Variants in UPK1B observed in about 807,000 individuals in gnomAD.
UPK1B encodes uroplakin-1b.
A neutral mutation model predicts 34.2 loss-of-function variants in UPK1B; 28 were observed. The observed-to-expected ratio is 0.82, with a 90% CI of 0.61 to 1.12. The LOEUF is 1.12. Ranked by LOEUF, UPK1B falls within the 50% of genes most tolerant of loss-of-function variation. The pLI is 0.00. For synonymous variants in UPK1B, 81 were observed against 110.4 expected, an observed-to-expected ratio of 0.73 and a Z score of 1.67; for missense variants, 325 against 320.9, an observed-to-expected ratio of 1.01 and a Z score of -0.10.
intron 1 of UPK1B, among the ~76,000 whole-genome samples, chr3:119,181,562 T>A (rs2077989848): frequency 6.6e-6 from 1 of 152,178 alleles, no homozygotes; most frequent in Non-Finnish European, 1.5e-5. Context: ...AACTAGTAAG[T>A]GGTAGAGCTA....
intron 2 of UPK1B, 70 bp from the exon 3 acceptor site, chr3:119,187,705 C>T: frequency 1.3e-6 from 2 of 1,515,692 alleles, no homozygotes. Flanking sequence ...GTCACTCTTA[C>T]CTTCCCCACC....
intron 7 of UPK1B, among the ~76,000 whole-genome samples, chr3:119,203,266 G>A (rs948269459): frequency 1.3e-4 from 19 of 147,508 alleles, no homozygotes; most frequent in South Asian, 2.2e-4. Context: ...GCGTGAACCC[G>A]GGAGGCGGAG....
chr3:119,186,333 T>C (rs1445897770), intron 1 of UPK1B, among the ~76,000 whole-genome samples: 1 of 152,180 alleles, frequency 6.6e-6, no homozygotes, highest in Non-Finnish European at 1.5e-5. Flanking sequence ...ACCCTTTGGG[T>C]TTCCATTTGT....
At chr3:119,182,647 G>T (rs1219099541) in intron 1 of UPK1B, among the ~76,000 whole-genome samples, 2 of 152,212 alleles carry the variant, frequency 1.3e-5, no homozygotes, top group Non-Finnish European at 1.5e-5. Flanking sequence ...GCCAAGTCCA[G>T]TGTGGTCACC....
intron 1 of UPK1B, among the ~76,000 whole-genome samples, chr3:119,179,144 A>G (rs2077973313): frequency 6.6e-6 from 1 of 151,744 alleles, no homozygotes; most frequent in African/African-American, 2.4e-5. Flanking sequence ...CCTGGGCAAC[A>G]TGATGAAACC....
chr3:119,177,261 G>T (rs1030177717), intron 1 of UPK1B, among the ~76,000 whole-genome samples: 2 of 152,170 alleles, frequency 1.3e-5, no homozygotes, highest in Admixed American at 1.3e-4. Context: ...TTATCTTGTA[G>T]TGAGTCTCAT....
chr3:119,177,531 AT>A (rs2077962532), intron 1 of UPK1B, among the ~76,000 whole-genome samples: 1 of 152,252 alleles, frequency 6.6e-6, no homozygotes, highest in African/African-American at 2.4e-5. Flanking sequence ...CTGATGTATC[AT>A]GCCGTGAACA....
At chr3:119,183,979 G>A (rs1468144553) in intron 1 of UPK1B, among the ~76,000 whole-genome samples, 1 of 152,168 alleles carries the variant, frequency 6.6e-6, no homozygotes, top group African/African-American at 2.4e-5. Context: ...AGAAAATTCA[G>A]AATATCTTGC....
At chr3:119,184,596 G>A (rs895180317) in intron 1 of UPK1B, among the ~76,000 whole-genome samples, 1 of 151,484 alleles carries the variant, frequency 6.6e-6, no homozygotes, top group African/African-American at 2.4e-5. Flanking sequence ...TGTGGCGGTG[G>A]GCACCTGTAG....
chr3:119,199,090 C>T lies in UPK1B; in HGVS notation c.682C>T (p.Arg228Ter), dbSNP rs866752624. The change falls in exon 7 of 8, where the codon CGA (arginine) becomes TGA (stop). Residue 228 changes from arginine (R) to a stop codon, truncating the protein, a stop_gained. Coordinates refer to ENST00000264234, the MANE Select transcript of UPK1B (RefSeq NM_006952.4). LOFTEE classifies it high-confidence loss of function. ...TGAACTGATCTCTGGTCCAATGAAC[C>T]GACACGCCTGGGGGGTTGCCTGGTT... ...CYELISGPMN[R>*]HAWGVAWFGF... 8.7e-6 allele frequency: 14 copies of T among 1,614,134 alleles called. No individual in the cohort carries two copies. Among genetic ancestry groups the T allele is most frequent in the African/African-American group, 1.3e-5 (1 of 75,040 alleles).
chr3:119,191,121 T>G lies in UPK1B; in HGVS notation c.468+17T>G. On this transcript the variant is annotated intron_variant, in intron 5 of 7. Transcript: ENST00000264234. ...ATGCTCCAGGTAAGACCTGTGGTCT[T>G]GGGGAGATGCCATTTTTACTTACTG... 2 of 1,612,652 alleles carry G rather than the reference T, an allele frequency of 1.2e-6. No homozygotes were observed. The highest frequency in any genetic ancestry group is 1.7e-6 in the Non-Finnish European group (2 of 1,179,228).
intron 1 of UPK1B, among the ~76,000 whole-genome samples, chr3:119,186,342 G>A (rs556055244): frequency 6.6e-6 from 1 of 152,294 alleles, no homozygotes; most frequent in East Asian, 1.9e-4. Context: ...GTTTCCATTT[G>A]TCATGGCCAA....
intron 1 of UPK1B, among the ~76,000 whole-genome samples, chr3:119,176,787 G>A (rs546135126): frequency 9.2e-5 from 14 of 152,298 alleles, no homozygotes; most frequent in African/African-American, 3.1e-4. Context: ...TAGTCAGGGA[G>A]GCATTGTTTT....
intron 1 of UPK1B, among the ~76,000 whole-genome samples, chr3:119,178,164 T>A (rs887288274): frequency 6.6e-6 from 1 of 152,192 alleles, no homozygotes; most frequent in African/African-American, 2.4e-5. Context: ...GAATACACAC[T>A]GAGGAGTTTG....
intron 1 of UPK1B, among the ~76,000 whole-genome samples, chr3:119,176,690 C>T (rs776803739): frequency 2.0e-5 from 3 of 152,178 alleles, no homozygotes; most frequent in African/African-American, 4.8e-5. Context: ...TGCTGCTCTG[C>T]CCTCTGCCTT....
At chr3:119,193,999 C>T (rs1376513815) in intron 5 of UPK1B, among the ~76,000 whole-genome samples, 1 of 152,136 alleles carries the variant, frequency 6.6e-6, no homozygotes, top group Admixed American at 6.5e-5. Context: ...ACAGGGTTCA[C>T]TAATGACTAG....
chr3:119,194,114 T>C (rs62263545), intron 5 of UPK1B, 105 bp from the exon 6 acceptor site: 454,726 of 1,081,692 alleles, frequency 0.42, 100,522 homozygotes, highest in Non-Finnish European at 0.45. Context: ...ATGTAAGATA[T>C]GGTACACTTT....
chr3:119,188,622 C>G (rs973841736), intron 3 of UPK1B, among the ~76,000 whole-genome samples: 31 of 152,162 alleles, frequency 2.0e-4, no homozygotes, highest in Non-Finnish European at 3.4e-4. Context: ...GAGGCTTCTG[C>G]CCCAAACCAT....
intron 1 of UPK1B, among the ~76,000 whole-genome samples, chr3:119,175,015 T>TTTTTTTTTTTTTTTTTTA (rs1291601645): frequency 1.1e-4 from 1 of 8,696 alleles, no homozygotes; most frequent in Non-Finnish European, 2.5e-4. Context: ...TTATTTTCTT[T>TTTTTTTTTTTTTTTTTTA]TTTTTTTTTT....
Sources: gnomAD v4.1 joint callset for allele counts (sites outside exome capture counted in the v4.1 genomes callset) on GRCh38, gnomAD v4.1.1 for gene constraint, MANE v1.5 for transcripts, NCBI Gene and HGNC (gene_info 2026-07-23, HGNC 2026-07-21) for gene names.